Variants in OSBPL5 observed in about 807,000 individuals in gnomAD.
OSBPL5 encodes the protein oxysterol-binding protein-related protein 5.
A neutral mutation model predicts 111.2 loss-of-function variants in OSBPL5; 71 were observed. The ratio of observed to expected loss-of-function variants is 0.64; its 90% CI spans 0.53 to 0.78. OSBPL5 has a LOEUF of 0.78. OSBPL5 is among the 30% of genes least tolerant of loss of function. OSBPL5 has a pLI of 0.00. For missense variants in OSBPL5, 1,210 were observed against 1,189.3 expected (o/e 1.02, Z -0.26); for synonymous variants, 549 against 513.9 (o/e 1.07, Z -0.93).
At chr11:3,128,890 C>T in intron 2 of OSBPL5, 123 bp downstream of exon 2, 1 of 949,248 alleles carries the variant, frequency 1.1e-6, no homozygotes, top group Non-Finnish European at 1.4e-6. Context: ...GATCATGAAA[C>T]CCACACAGTC....
Position 3,107,873 on chromosome 11 carries a change from G to C in OSBPL5, c.764C>G (p.Pro255Arg), listed in dbSNP as rs147555918. The C allele has an allele frequency of 5.0e-5, 80 of 1,607,848 alleles. No homozygotes were observed. Among genetic ancestry groups the C allele is most frequent in the Admixed American group, 2.5e-4 (15 of 59,988 alleles). ...GGTCCCTGGCTCCCCGTCTCGGCCC[G>C]GCTTGCAGGTGCCCAGTCTCAGTAG... ...SSLLRLGTCK[P>R]GRDGEPGTSP... Residue 255 changes from proline (P) to arginine (R), a missense_variant, in exon 8 of 22, where the codon CCG becomes CGG. Physicochemically the swap from Pro to Arg is moderately radical, Grantham distance 103. Transcript: ENST00000263650. This position sits in a 1 kb window ranked among gnomAD's most constrained non-coding sequence, Gnocchi z 6.1.
At position 3,149,211 on chromosome 11, in the gene OSBPL5, C is replaced by T. The variant is rs569382559; in HGVS notation, c.-22+16005G>A. Among the ~76,000 whole-genome samples the T allele has an allele frequency of 3.3e-5, 5 of 151,988 alleles. No individual in the cohort carries two copies. The East Asian group carries it at 5.8e-4, about 18-fold the overall frequency. ...CTCCCACTGTCCAGGGCCCCCCGAG[C>T]GTCCACACCACCACGCTGGAAGTCC... On this transcript the variant is annotated intron_variant, in intron 1 of 21. Transcript: ENST00000263650.
intron 1 of OSBPL5, among the ~76,000 whole-genome samples, chr11:3,150,613 T>C (rs1846549689): frequency 6.6e-6 from 1 of 152,166 alleles, no homozygotes; most frequent in Non-Finnish European, 1.5e-5. Context: ...GAGAGCTCAC[T>C]GGAGAAACAT....
Position 3,122,062 on chromosome 11 carries a change from C to T in OSBPL5, c.337G>A (p.Ala113Thr), listed in dbSNP as rs139332352. The T allele has an allele frequency of 6.3e-6, 10 of 1,580,068 alleles. No individual in the cohort carries two copies. The highest frequency in any genetic ancestry group is 2.7e-5 in the African/African-American group (2 of 74,548). Residue 113 changes from alanine (A) to threonine (T), a missense_variant, in exon 5 of 22, where the codon GCC (alanine) becomes ACC (threonine). Transcript: ENST00000263650. Reference protein sequence around the residue: ...KENYRQEKKRATRQLLSALTD... With the variant: ...KENYRQEKKRTTRQLLSALTD... ...AGAGCGCTGAGCAGCTGCCGTGTGG[C>T]GCGCTTCTTCTCCTGCCGGTAGTTC...
Position 3,152,588 on chromosome 11 carries a change from G to A in OSBPL5, c.-22+12628C>T, listed in dbSNP as rs1051194611. On this transcript the variant is annotated intron_variant, in intron 1 of 21. Coordinates refer to ENST00000263650, the MANE Select transcript of OSBPL5 (RefSeq NM_020896.4). The stretch of plus-strand genomic sequence containing the variant: ...AGCAGCGGGGGCCTGCAGGATTATC[G>A]GGAGCGGCCTGCGAGGCGCGATGGG... 1.8e-4 allele frequency among the ~76,000 whole-genome samples: 28 copies of A among 152,292 alleles called. 1 individual carries two copies. The highest frequency in any genetic ancestry group is 3.3e-4 in the Admixed American group (5 of 15,306).
intron 7 of OSBPL5, among the ~76,000 whole-genome samples, chr11:3,108,411 T>C (rs1857788506): frequency 1.3e-5 from 2 of 152,152 alleles, no homozygotes; most frequent in Non-Finnish European, 2.9e-5. Flanking sequence ...GGGTCCTCCC[T>C]CACTGGGAAG....
intron 1 of OSBPL5, among the ~76,000 whole-genome samples, chr11:3,155,234 T>C (rs1224844758): frequency 1.3e-5 from 2 of 152,182 alleles, no homozygotes; most frequent in Non-Finnish European, 2.9e-5. Flanking sequence ...CCTAGGACAG[T>C]TGGGCTACAG....
chr11:3,141,789 C>G lies in OSBPL5; in HGVS notation c.-21-12620G>C, dbSNP rs1199279680. On this transcript the variant is annotated intron_variant, in intron 1 of 21. Transcript: ENST00000263650. The surrounding 1 kb of genome is among the most constrained non-coding windows in gnomAD (Gnocchi z 6.5). ...GGTGACAGTAGGAACACCCACCCCCCACCCGCCTCCCACCCAGTGCAGGGA... is the reference window on the plus strand; with the variant it reads ...GGTGACAGTAGGAACACCCACCCCCGACCCGCCTCCCACCCAGTGCAGGGA... Among the ~76,000 whole-genome samples, 1 of 142,370 alleles carries G rather than the reference C, an allele frequency of 7.0e-6. No individual in the cohort carries two copies. The highest frequency in any genetic ancestry group is 1.5e-5 in the Non-Finnish European group (1 of 64,606). 93.4% of individuals were successfully genotyped at this position (142,370 alleles called of 152,430 possible).
rs1361817893 is a variant in OSBPL5, at chr11:3,121,261, T to TTGG, written c.403-640_403-638dup. On this transcript the variant is annotated intron_variant, in intron 5 of 21. Transcript: ENST00000263650. This position sits in a 1 kb window ranked among gnomAD's most constrained non-coding sequence, Gnocchi z 4.3. Reference sequence around the variant, plus strand: ...TTAGTAGAGACGGGGTTTTGCCATTTTGGACAGGCTGGTCTCAAACTCCTG... The same window carrying TTGG: ...TTAGTAGAGACGGGGTTTTGCCATTTTGGTGGACAGGCTGGTCTCAAACTCCTG... Among the ~76,000 whole-genome samples the TTGG allele has an allele frequency of 6.6e-6, 1 of 152,080 alleles. No homozygotes were observed. The highest frequency in any genetic ancestry group is 1.5e-5 in the Non-Finnish European group (1 of 68,008).
chr11:3,101,829 G>A (rs749136249), intron 12 of OSBPL5, 130 bp from the exon 13 acceptor site: 74 of 769,188 alleles, frequency 9.6e-5, no homozygotes, highest in Non-Finnish European at 6.9e-5. Flanking sequence ...CCCAGGATTC[G>A]GGTAGGGGCC....
rs59645003 is a variant in OSBPL5, at chr11:3,114,591, A to ATTTT, written c.691+4952_691+4955dup. 3.5e-5 allele frequency among the ~76,000 whole-genome samples: 4 copies of ATTTT among 113,882 alleles called. 1 individual carries two copies. The highest frequency in any genetic ancestry group is 7.0e-5 in the African/African-American group (2 of 28,396). The allele number at this position is 113,882 out of a possible 152,430, so 74.7% of individuals were successfully genotyped here. A position where few individuals can be genotyped will look rare whatever the true frequency, so the allele number is the denominator to read the frequency against. On this transcript the variant is annotated intron_variant, in intron 7 of 21. Transcript: ENST00000263650. ...GACTAAAGAATTGGTTAGAACAATG[A>ATTTT]TTTTTTTTTTTTTTTTTTTTTTTTT...
At position 3,088,187 on chromosome 11, in the gene OSBPL5, G is replaced by C. The variant is rs1438626776; in HGVS notation, c.*18C>G. 1.3e-6 allele frequency: 2 copies of C among 1,557,460 alleles called. No individual in the cohort carries two copies. Among genetic ancestry groups the C allele is most frequent in the Non-Finnish European group, 1.7e-6 (2 of 1,149,020 alleles). On this transcript the variant is annotated 3_prime_UTR_variant, in exon 22 of 22. Coordinates refer to ENST00000263650, the MANE Select transcript of OSBPL5 (RefSeq NM_020896.4). ...AGGGAGGGCTCAGGACCGGCCAGGA[G>C]CTCTGCCCTCAGGGCTCCTATTTGA...
rs1857154425 is a variant in OSBPL5 at position 3,093,870 on chromosome 11, CG to C, written c.1720-36del. The C allele has an allele frequency of 3.1e-6, 5 of 1,590,418 alleles. No homozygotes were observed. The South Asian group carries it at 3.4e-5, about 11-fold the overall frequency. ...CACACCCAGAACAGAGCCCAGTGAG[CG>C]GGGGCTGGGGCCTCCAGAATCACAT... On this transcript the variant is annotated intron_variant, in intron 15 of 21. Coordinates refer to ENST00000263650, the MANE Select transcript of OSBPL5 (RefSeq NM_020896.4).
rs1846968990 is a variant in OSBPL5, at chr11:3,161,591, TGCAG to T, written c.-22+3621_-22+3624del. On this transcript the variant is annotated intron_variant, in intron 1 of 21. Transcript: ENST00000263650. The surrounding 1 kb of genome is among the most constrained non-coding windows in gnomAD (Gnocchi z 8.0). ...CTGGGAAGAGAGCCCGGAGCAGACT[TGCAG>T]GCAACCGTGCATGGGGACAGACACC... Among the ~76,000 whole-genome samples, 1 of 152,116 alleles carries T rather than the reference TGCAG, an allele frequency of 6.6e-6. No individual in the cohort carries two copies. Among genetic ancestry groups the T allele is most frequent in the Non-Finnish European group, 1.5e-5 (1 of 68,002 alleles).
At chr11:3,093,360 T>G in intron 17 of OSBPL5, 167 bp downstream of exon 17, 3 of 1,111,328 alleles carry the variant, frequency 2.7e-6, no homozygotes, top group Non-Finnish European at 2.5e-6. Context: ...CTTCCCTCCA[T>G]CTGTCCTTTC....
intron 14 of OSBPL5, among the ~76,000 whole-genome samples, chr11:3,095,978 G>T (rs1271973661): frequency 6.6e-6 from 1 of 151,762 alleles, no homozygotes; most frequent in Non-Finnish European, 1.5e-5. Context: ...TGCTGAACGT[G>T]ATCAGGCATC....
Position 3,120,696 on chromosome 11 carries a change from C to T in OSBPL5, c.403-72G>A, listed in dbSNP as rs566793525. The stretch of plus-strand genomic sequence containing the variant: ...TCCCTGGGGCATCTTGATGGCTTGG[C>T]GGGGAGCCAGGCACAGACCAGGGTG... On this transcript the variant is annotated intron_variant, in intron 5 of 21. Coordinates refer to ENST00000263650, the MANE Select transcript of OSBPL5 (RefSeq NM_020896.4). 1.2e-4 allele frequency: 182 copies of T among 1,544,564 alleles called. 1 individual carries two copies. The African/African-American group carries it at 1.8e-3, about 15-fold the overall frequency.
chr11:3,133,540 G>A (rs879471999), intron 1 of OSBPL5, among the ~76,000 whole-genome samples: 3 of 150,924 alleles, frequency 2.0e-5, no homozygotes, highest in Non-Finnish European at 2.9e-5. Context: ...TGTGGCGGTC[G>A]CTCTCAGCGG....
intron 7 of OSBPL5, 133 bp from the exon 8 acceptor site, chr11:3,108,078 G>T: frequency 8.3e-7 from 1 of 1,200,250 alleles, no homozygotes; most frequent in Non-Finnish European, 1.1e-6. Context: ...ACCCACCCCT[G>T]GCCCTGCCCC....
Sources: allele counts gnomAD v4.1 joint callset (sites outside exome capture counted in the v4.1 genomes callset), GRCh38; gene constraint gnomAD v4.1.1; non-coding constraint Gnocchi (gnomAD v3.1); transcripts MANE v1.5; gene names NCBI Gene and HGNC (gene_info 2026-07-23, HGNC 2026-07-21).